PHACTR1: variants seen among roughly 807,000 people sequenced by gnomAD.
PHACTR1 encodes phosphatase and actin regulator 1.
PHACTR1 carries 16 observed loss-of-function variants against 69.2 expected under a neutral mutation model. That is an observed-to-expected ratio of 0.23 (90% CI 0.16 to 0.35). The LOEUF is 0.35. PHACTR1 is among the 10% of genes least tolerant of loss of function. The probability of loss-of-function intolerance (pLI) is 1.00; values close to 1 mark genes in which losing one functional copy is unlikely to be tolerated. For synonymous variants in PHACTR1, 312 were observed against 284.5 expected (o/e 1.10, Z -0.97); for missense variants, 510 against 734.7 (o/e 0.69, Z 3.54).
chr6:13,230,997 C>CAGAG (rs36074569), intron 10 of PHACTR1, among the ~76,000 whole-genome samples: 52,328 of 113,308 alleles, frequency 0.46, 15,599 homozygotes, highest in Non-Finnish European at 0.62. Flanking sequence ...GCCCAGGTGA[C>CAGAG]AGAGAGAGAG....
At chr6:12,919,203 T>A (rs2127508378) in intron 4 of PHACTR1, among the ~76,000 whole-genome samples, 1 of 152,162 alleles carries the variant, frequency 6.6e-6, no homozygotes, top group African/African-American at 2.4e-5. Context: ...AGTGCAATGG[T>A]GCAATCTTGG....
chr6:13,021,540 G>A (rs1800974487), intron 4 of PHACTR1, among the ~76,000 whole-genome samples: 1 of 152,158 alleles, frequency 6.6e-6, no homozygotes, highest in South Asian at 2.1e-4. Context: ...GTATGTACCT[G>A]GGAGTAGAAT....
chr6:13,020,354 A>T (rs957881673), intron 4 of PHACTR1, among the ~76,000 whole-genome samples: 2 of 152,218 alleles, frequency 1.3e-5, no homozygotes, highest in African/African-American at 4.8e-5. Context: ...TTGTTTATTC[A>T]TGTATCAAGC....
chr6:12,911,294 G>A (rs1390408958), intron 4 of PHACTR1, among the ~76,000 whole-genome samples: 5 of 152,084 alleles, frequency 3.3e-5, no homozygotes, highest in African/African-American at 1.2e-4. Flanking sequence ...TGCAGAAATC[G>A]ACATTGGGGG....
intron 4 of PHACTR1, among the ~76,000 whole-genome samples, chr6:13,000,391 T>C (rs28476667): frequency 1.3e-5 from 2 of 152,000 alleles, no homozygotes; most frequent in South Asian, 4.2e-4. Flanking sequence ...CTATAAAAAA[T>C]TTAAAACTTA....
intron 2 of PHACTR1, 54 bp from the exon 3 acceptor site, chr6:12,718,645 T>C (rs1017664008): frequency 1.9e-5 from 10 of 517,194 alleles, no homozygotes; most frequent in Non-Finnish European, 3.4e-5. Flanking sequence ...CATCTATATA[T>C]ACACTTTATA....
chr6:12,820,261 A>AC (rs1265601540), intron 4 of PHACTR1, among the ~76,000 whole-genome samples: 1 of 151,510 alleles, frequency 6.6e-6, no homozygotes, highest in African/African-American at 2.4e-5. Context: ...GGTTCACTGC[A>AC]CCCCCTGCCT....
chr6:12,885,102 G>A (rs1047200681), intron 4 of PHACTR1, among the ~76,000 whole-genome samples: 1 of 152,122 alleles, frequency 6.6e-6, no homozygotes, highest in Non-Finnish European at 1.5e-5. Context: ...CAGAGCTGAG[G>A]GCACCACTGA....
At chr6:13,124,852 A>G (rs903986452) in intron 5 of PHACTR1, among the ~76,000 whole-genome samples, 12 of 152,208 alleles carry the variant, frequency 7.9e-5, no homozygotes, top group Admixed American at 2.0e-4. Context: ...TATGTCTTAT[A>G]TGGTGTCTTT....
intron 4 of PHACTR1, among the ~76,000 whole-genome samples, chr6:12,877,377 G>A (rs1582236542): frequency 1.3e-5 from 2 of 152,292 alleles, no homozygotes; most frequent in South Asian, 4.1e-4. Flanking sequence ...TGGCCATCCA[G>A]GGTGACAGTA....
chr6:12,987,917 T>C, intron 4 of PHACTR1, among the ~76,000 whole-genome samples: 1 of 152,194 alleles, frequency 6.6e-6, no homozygotes, highest in East Asian at 1.9e-4. Context: ...CCACTATGAC[T>C]GCATGGATGT....
At chr6:12,727,030 T>G (rs375501120) in intron 3 of PHACTR1, among the ~76,000 whole-genome samples, 3 of 152,182 alleles carry the variant, frequency 2.0e-5, no homozygotes, top group Non-Finnish European at 2.9e-5. Flanking sequence ...TTTTATTTTG[T>G]TTTTGCTTTT....
intron 4 of PHACTR1, among the ~76,000 whole-genome samples, chr6:12,861,550 T>C (rs982133780): frequency 6.6e-6 from 1 of 152,240 alleles, no homozygotes; most frequent in Admixed American, 6.5e-5. Context: ...GTATTGCTCT[T>C]CTGCTGTTAG....
intron 4 of PHACTR1, among the ~76,000 whole-genome samples, chr6:12,750,792 A>G (rs748050326): frequency 3.9e-5 from 6 of 152,168 alleles, no homozygotes; most frequent in Non-Finnish European, 5.9e-5. Context: ...CCTTTTCTGA[A>G]TGACTCCTAA....
chr6:12,730,148 C>A (rs1046352160), intron 3 of PHACTR1, among the ~76,000 whole-genome samples: 1 of 152,132 alleles, frequency 6.6e-6, no homozygotes, highest in Non-Finnish European at 1.5e-5. Context: ...ATTCTATATT[C>A]CTTGGTAACT....
intron 4 of PHACTR1, among the ~76,000 whole-genome samples, chr6:12,978,504 C>T (rs1283798219): frequency 1.3e-5 from 2 of 152,190 alleles, no homozygotes; most frequent in African/African-American, 2.4e-5. Flanking sequence ...CCGTATCTCT[C>T]TTTTAAGACT....
At chr6:13,182,937 T>C (rs1762380162) in intron 7 of PHACTR1, among the ~76,000 whole-genome samples, 1 of 152,234 alleles carries the variant, frequency 6.6e-6, no homozygotes, top group African/African-American at 2.4e-5. Context: ...ATGATATGGC[T>C]TATTTTTGTA....
At chr6:13,187,889 G>A (rs10948523) in intron 7 of PHACTR1, among the ~76,000 whole-genome samples, 18,585 of 152,280 alleles carry the variant, frequency 0.12, 1,443 homozygotes, top group East Asian at 0.23. Context: ...AAAAAGAAGA[G>A]TCAGCAGAAT....
intron 4 of PHACTR1, among the ~76,000 whole-genome samples, chr6:13,005,456 A>C (rs989106707): frequency 1.3e-5 from 2 of 152,174 alleles, no homozygotes; most frequent in Non-Finnish European, 2.9e-5. Context: ...TGATTCTTGC[A>C]GACAACATTG....
Sources: allele counts gnomAD v4.1 joint callset (sites outside exome capture counted in the v4.1 genomes callset), GRCh38; gene constraint gnomAD v4.1.1; transcripts MANE v1.5; gene names NCBI Gene and HGNC (gene_info 2026-07-23, HGNC 2026-07-21).